Variants in NSD2 observed in about 807,000 individuals in gnomAD.
The protein encoded by NSD2 is nuclear receptor binding SET domain protein 2.
Under a neutral mutation model 139.0 loss-of-function variants are expected in NSD2, and 12 were observed. That is an observed-to-expected ratio of 0.09 (90% CI 0.06 to 0.14). The LOEUF (loss-of-function observed/expected upper bound fraction) is 0.14. Ranked by LOEUF, NSD2 falls within the 10% of genes least tolerant of loss-of-function variation. The pLI is 1.00. For missense variants in NSD2, 1,155 were observed against 1,745.0 expected (o/e 0.66, Z 6.02); for synonymous variants, 669 against 648.7 (o/e 1.03, Z -0.48).
chr4:1,895,093 T>C (rs1161125526), intron 1 of NSD2, among the ~76,000 whole-genome samples: 1 of 152,248 alleles, frequency 6.6e-6, no homozygotes, highest in African/African-American at 2.4e-5. Flanking sequence ...GATTCGTCCA[T>C]ATTGAAGCAG....
intron 9 of NSD2, chr4:1,941,913 T>A (rs183874071): frequency 9.3e-7 from 1 of 1,072,020 alleles, no homozygotes. Context: ...TGTAGTGTTA[T>A]AAAAAACAGC....
Position 1,978,832 on chromosome 4 carries a change from C to G in NSD2, c.4021C>G (p.Pro1341Ala), listed in dbSNP as rs914518920. Residue 1341 changes from proline to alanine, a missense_variant, in exon 22 of 22, where the codon CCC (proline) becomes GCC (alanine). By Grantham distance (27) the Pro-to-Ala change is conservative. This residue lies in a region of NSD2 where 132 missense variants were observed against 94.3 expected (regional missense o/e 1.40). Coordinates refer to ENST00000508803, the MANE Select transcript of NSD2 (RefSeq NM_001042424.3). ...GGTCAGAAGCACCAAGACTGAGAAG[C>G]CCCCCCCAGAGCCAGGGAAGCCGAA... ...ASVRSTKTEK[P>A]PPEPGKPKGK... The G allele has an allele frequency of 1.3e-6, 2 of 1,598,268 alleles. No individual in the cohort carries two copies. Among genetic ancestry groups the G allele is most frequent in the Admixed American group, 1.7e-5 (1 of 58,798 alleles).
chr4:1,978,520 G>T, intron 21 of NSD2, 118 bp from the exon 22 acceptor site: 1 of 1,418,682 alleles, frequency 7.0e-7, no homozygotes, highest in Non-Finnish European at 9.5e-7. Flanking sequence ...CTGTTCGCTG[G>T]AGCCAGCACT....
At chr4:1,970,786 T>TG (rs1345522019) in intron 18 of NSD2, among the ~76,000 whole-genome samples, 2 of 151,988 alleles carry the variant, frequency 1.3e-5, no homozygotes, top group African/African-American at 4.8e-5. Flanking sequence ...GTCCGGGACA[T>TG]TACATGTGGG....
chr4:1,901,777 T>C (rs1428741112), intron 2 of NSD2, among the ~76,000 whole-genome samples: 1 of 152,218 alleles, frequency 6.6e-6, no homozygotes, highest in African/African-American at 2.4e-5. Flanking sequence ...AGCCAGGTGG[T>C]CCAGCAGATG....
chr4:1,945,569 A>G, intron 9 of NSD2: 1 of 1,065,558 alleles, frequency 9.4e-7, no homozygotes, highest in Non-Finnish European at 1.1e-6. Flanking sequence ...GGCTCTTGCC[A>G]GAAGCCTGAT....
chr4:1,909,874 T>C (rs528572926), intron 3 of NSD2, among the ~76,000 whole-genome samples: 2 of 151,792 alleles, frequency 1.3e-5, no homozygotes, highest in East Asian at 3.9e-4. Context: ...CTCCTGACCT[T>C]GTGATCCGCC....
At position 1,901,200 on chromosome 4, in the gene NSD2, C is replaced by A. The variant is rs766214080; in HGVS notation, c.546C>A (p.Gly182=). 132 of 1,604,520 alleles carry A rather than the reference C, an allele frequency of 8.2e-5. No homozygotes were observed. The highest frequency in any genetic ancestry group is 1.1e-4 in the Non-Finnish European group (129 of 1,176,742). The change falls in exon 2 of 22, where the codon GGC becomes GGA. Residue 182 remains glycine (G), a synonymous_variant. Coordinates refer to ENST00000508803, the MANE Select transcript of NSD2 (RefSeq NM_001042424.3). ...AATATGACTCCTTGCTGGAGCAGGG[C>A]CTTGTCGAAGCAGCTCTTGTGTCTA... ...SIKYDSLLEQ[G]LVEAALVSKI...
In NSD2 at chr4:1,980,889, T is replaced by C. The variant is rs756107227; in HGVS notation, c.*1980T>C. ...GATCGGCTCATAGATTTATGCTCCT[T>C]ATGATGCCCTAACTTGGAAGGTTGT... On this transcript the variant is annotated 3_prime_UTR_variant, in exon 22 of 22. Transcript: ENST00000508803. 5 of 233,158 alleles carry C rather than the reference T, an allele frequency of 2.1e-5. No individual in the cohort carries two copies. The highest frequency in any genetic ancestry group is 6.0e-5 in the East Asian group (1 of 16,600). 14.4% of individuals were successfully genotyped at this position (233,158 alleles called of 1,614,324 possible).
intron 20 of NSD2, 22 bp downstream of exon 20, chr4:1,975,422 T>TC (rs1194751534): frequency 1.9e-6 from 3 of 1,605,922 alleles, no homozygotes; most frequent in African/African-American, 1.3e-5. Flanking sequence ...GCGCCCTCCT[T>TC]CCCCCCAGGC....
chr4:1,896,390 G>A (rs1187259309), intron 1 of NSD2, among the ~76,000 whole-genome samples: 2 of 152,256 alleles, frequency 1.3e-5, no homozygotes, highest in East Asian at 3.8e-4. Flanking sequence ...ATTAGGCAGT[G>A]TAGCTAGACA....
In NSD2 at chr4:1,956,043, G is replaced by T; in HGVS notation, c.2736G>T (p.Lys912Asn). ...TTCCCCCAAATATTCAGAAAATGAA[G>T]CACGAGATTGGAGAATTCCCTGTGT... ...KNVPPNIQKMKHEIGEFPVFF... is the reference protein window; with the variant it reads ...KNVPPNIQKMNHEIGEFPVFF... Residue 912 changes from lysine (K) to asparagine (N), a missense_variant, in exon 15 of 22, where the codon AAG (lysine) becomes AAT (asparagine). Coordinates refer to ENST00000508803, the MANE Select transcript of NSD2 (RefSeq NM_001042424.3). This position sits in a 1 kb window ranked among gnomAD's most constrained non-coding sequence, Gnocchi z 5.3. 6.2e-7 allele frequency: 1 copy of T among 1,614,022 alleles called. No homozygotes were observed. Among genetic ancestry groups the T allele is most frequent in the Non-Finnish European group, 8.5e-7 (1 of 1,180,040 alleles).
At chr4:1,895,345 T>G (rs1281705603) in intron 1 of NSD2, among the ~76,000 whole-genome samples, 1 of 152,232 alleles carries the variant, frequency 6.6e-6, no homozygotes, top group African/African-American at 2.4e-5. Context: ...ATCAGTGTCT[T>G]GCTCATAGTA....
chr4:1,893,257 C>T (rs1263371627), intron 1 of NSD2, among the ~76,000 whole-genome samples: 1 of 152,148 alleles, frequency 6.6e-6, no homozygotes, highest in African/African-American at 2.4e-5. Flanking sequence ...CACCTGAGGT[C>T]AGGAGTTCGA....
chr4:1,949,190 G>A (rs928806936), intron 9 of NSD2, among the ~76,000 whole-genome samples: 1 of 152,258 alleles, frequency 6.6e-6, no homozygotes, highest in Non-Finnish European at 1.5e-5. Flanking sequence ...AGCACGTCAA[G>A]TGGCCCTTTG....
At chr4:1,892,007 T>TA (rs959550610) in intron 1 of NSD2, among the ~76,000 whole-genome samples, 11 of 152,274 alleles carry the variant, frequency 7.2e-5, no homozygotes, top group South Asian at 4.1e-4. Context: ...TTTCCTAGCA[T>TA]ATCTACTCTT....
chr4:1,872,633 A>AGC (rs1553856494), intron 1 of NSD2, among the ~76,000 whole-genome samples: 17 of 131,118 alleles, frequency 1.3e-4, no homozygotes, highest in South Asian at 1.0e-3. Flanking sequence ...AGAGAGAGAG[A>AGC]GAGCGCGCAG....
intron 1 of NSD2, among the ~76,000 whole-genome samples, chr4:1,885,133 A>G (rs959774495): frequency 3.3e-5 from 5 of 152,004 alleles, no homozygotes; most frequent in Non-Finnish European, 5.9e-5. Flanking sequence ...TAAAAATAAA[A>G]AAAATAAAAT....
intron 9 of NSD2, among the ~76,000 whole-genome samples, chr4:1,950,798 A>G (rs1172121815): frequency 6.6e-6 from 1 of 152,240 alleles, no homozygotes; most frequent in East Asian, 1.9e-4. Flanking sequence ...CACTTCCTTC[A>G]TTTTAAGGAA....
Sources: gnomAD v4.1 joint callset for allele counts (sites outside exome capture counted in the v4.1 genomes callset) on GRCh38, gnomAD v4.1.1 for gene constraint, gnomAD v4.1.1 regional missense constraint, Gnocchi (gnomAD v3.1) non-coding constraint, MANE v1.5 for transcripts, NCBI Gene and HGNC (gene_info 2026-07-23, HGNC 2026-07-21) for gene names.